The following FOXK2 variants were observed in gnomAD, a reference collection of about 807,000 sequenced individuals.
FOXK2 encodes forkhead box protein K2.
Under a neutral mutation model 53.3 loss-of-function variants are expected in FOXK2, and 24 were observed. The ratio of observed to expected loss-of-function variants is 0.45; its 90% confidence interval spans 0.33 to 0.63. The LOEUF is 0.63. FOXK2 is among the 30% of genes least tolerant of loss of function. FOXK2 has a pLI of 0.03. For synonymous variants in FOXK2, 505 were observed against 407.1 expected (o/e 1.24, Z -2.89); for missense variants, 952 against 910.5 (o/e 1.05, Z -0.59).
intron 1 of FOXK2, among the ~76,000 whole-genome samples, chr17:82,538,367 C>G (rs2044541096): frequency 6.6e-6 from 1 of 152,152 alleles, no homozygotes; most frequent in Non-Finnish European, 1.5e-5. Context: ...TTCCTCCAGT[C>G]CTGGACACTT....
In FOXK2 at chr17:82,560,074, C is replaced by T. The variant is rs926065959; in HGVS notation, c.420-3280C>T. 1.8e-4 allele frequency among the ~76,000 whole-genome samples: 27 copies of T among 146,382 alleles called. No individual in the cohort carries two copies. The East Asian group carries it at 3.8e-3, about 21-fold the overall frequency. ...TGGCTGGAGTGCAGTGGCAGGATCT[C>T]GGCTCGCTGCAGCCTCTGCCTCCCG... On this transcript the variant is annotated intron_variant, in intron 1 of 8. Transcript: ENST00000335255.
intron 4 of FOXK2, among the ~76,000 whole-genome samples, chr17:82,579,214 A>G (rs2045027729): frequency 6.6e-6 from 1 of 152,090 alleles, no homozygotes; most frequent in African/African-American, 2.4e-5. Flanking sequence ...CTCAGAATCT[A>G]CCTTCTACTT....
chr17:82,552,267 C>T (rs572134287), intron 1 of FOXK2, among the ~76,000 whole-genome samples: 44 of 152,286 alleles, frequency 2.9e-4, no homozygotes, highest in African/African-American at 1.0e-3. Flanking sequence ...TTCCGTTTTC[C>T]CAGATTCCCA....
chr17:82,536,440 G>A (rs2044521669), intron 1 of FOXK2, among the ~76,000 whole-genome samples: 1 of 152,150 alleles, frequency 6.6e-6, no homozygotes, highest in African/African-American at 2.4e-5. Flanking sequence ...CTTGCCAAAG[G>A]ATATAGGGGC....
intron 8 of FOXK2, chr17:82,587,554 G>T: frequency 2.2e-6 from 1 of 454,080 alleles, no homozygotes; most frequent in East Asian, 4.4e-5. Context: ...GTGTGGCCTG[G>T]AAGCGGCCTG....
chr17:82,543,900 C>T (rs1376935085), intron 1 of FOXK2, among the ~76,000 whole-genome samples: 1 of 151,886 alleles, frequency 6.6e-6, no homozygotes, highest in Non-Finnish European at 1.5e-5. Flanking sequence ...CCTCAGCCTC[C>T]CGAGCAGCTG....
chr17:82,565,806 A>T (rs556503730), intron 2 of FOXK2, among the ~76,000 whole-genome samples: 1 of 152,362 alleles, frequency 6.6e-6, no homozygotes, highest in African/African-American at 2.4e-5. Flanking sequence ...CCACTTCTGG[A>T]TATAGACCCA....
intron 8 of FOXK2, chr17:82,596,246 G>A (rs1189939483): frequency 5.1e-6 from 5 of 979,108 alleles, no homozygotes; most frequent in East Asian, 2.3e-4. Context: ...TTTCTTTCAC[G>A]TTACTAGGGC....
intron 8 of FOXK2, chr17:82,601,047 A>G: frequency 2.2e-6 from 1 of 461,108 alleles, no homozygotes; most frequent in African/African-American, 1.9e-5. Flanking sequence ...TCCGCTAATC[A>G]GGCAGTTCAC....
In FOXK2 at chr17:82,604,232, A is replaced by C. The variant is rs1300138489; in HGVS notation, c.*2733A>C. On this transcript the variant is annotated 3_prime_UTR_variant, in exon 9 of 9. Transcript: ENST00000335255. ...TTGCCCTGAACCAAACGAGAAAACA[A>C]AAGGGAACTCCCGTATGACCCACGT... The C allele has an allele frequency of 6.6e-6, 1 of 152,230 alleles. No individual in the cohort carries two copies. The highest frequency in any genetic ancestry group is 1.5e-5 in the Non-Finnish European group (1 of 68,062). 9.4% of individuals were successfully genotyped at this position (152,230 alleles called of 1,614,324 possible).
intron 1 of FOXK2, among the ~76,000 whole-genome samples, chr17:82,528,602 C>T (rs561660392): frequency 7.2e-5 from 11 of 152,248 alleles, no homozygotes; most frequent in East Asian, 3.9e-4. Context: ...CAATGTGAAG[C>T]GGGCTTTGAG....
chr17:82,582,976 T>C, intron 5 of FOXK2, 42 bp downstream of exon 5: 1 of 1,386,170 alleles, frequency 7.2e-7, no homozygotes, highest in Non-Finnish European at 9.6e-7. Flanking sequence ...TCGTGCTTAC[T>C]AAACTTACCT....
chr17:82,551,053 C>CA (rs1263210940), intron 1 of FOXK2, among the ~76,000 whole-genome samples: 43 of 152,134 alleles, frequency 2.8e-4, no homozygotes, highest in Non-Finnish European at 2.4e-4. Context: ...AGTGGTGGCT[C>CA]ACGCCTGTCA....
intron 2 of FOXK2, among the ~76,000 whole-genome samples, chr17:82,563,880 T>A (rs914387632): frequency 2.0e-5 from 3 of 148,120 alleles, no homozygotes; most frequent in African/African-American, 2.5e-5. Flanking sequence ...GCCTCCTGAG[T>A]AGCTAGGACT....
chr17:82,524,942 A>G (rs1413423599), intron 1 of FOXK2, among the ~76,000 whole-genome samples: 1 of 149,734 alleles, frequency 6.7e-6, no homozygotes, highest in Non-Finnish European at 1.5e-5. Flanking sequence ...TTACTTTGCC[A>G]GTGATAGACT....
At chr17:82,582,542 C>A (rs538717323) in intron 4 of FOXK2, among the ~76,000 whole-genome samples, 199 bp from the exon 5 acceptor site, 2 of 152,170 alleles carry the variant, frequency 1.3e-5, no homozygotes, top group Non-Finnish European at 2.9e-5. Flanking sequence ...TTCACGCTTC[C>A]CCATAGGATG....
At chr17:82,560,791 A>G (rs980231928) in intron 1 of FOXK2, among the ~76,000 whole-genome samples, 5 of 151,996 alleles carry the variant, frequency 3.3e-5, no homozygotes, top group African/African-American at 9.7e-5. Flanking sequence ...TGAGCCCAGG[A>G]GTTTGAGACC....
intron 2 of FOXK2, among the ~76,000 whole-genome samples, chr17:82,564,086 GTTT>G (rs35624921): frequency 8.3e-6 from 1 of 120,592 alleles, no homozygotes; most frequent in Admixed American, 8.8e-5. Flanking sequence ...TTTTAAAGTG[GTTT>G]TTTTTTTTTT....
intron 3 of FOXK2, among the ~76,000 whole-genome samples, chr17:82,568,780 C>T (rs927602350): frequency 3.3e-5 from 5 of 152,060 alleles, no homozygotes; most frequent in South Asian, 2.1e-4. Flanking sequence ...GAGGCCAAGG[C>T]GGGGGGATCA....
Sources: allele counts gnomAD v4.1 joint callset (sites outside exome capture counted in the v4.1 genomes callset), GRCh38; gene constraint gnomAD v4.1.1; transcripts MANE v1.5; gene names NCBI Gene and HGNC (gene_info 2026-07-23, HGNC 2026-07-21).